Variants in E2F5 observed in about 807,000 individuals in gnomAD.
E2F5 encodes the protein E2F transcription factor 5.
In E2F5, 23 loss-of-function variants were observed where a neutral mutation model predicts 39.1. The ratio of observed to expected loss-of-function variants is 0.59; its 90% CI spans 0.42 to 0.83. The LOEUF (loss-of-function observed/expected upper bound fraction) is 0.83. Among genes scored for constraint, E2F5 ranks in the 40% least tolerant of loss-of-function variants. The pLI, the probability that E2F5 is intolerant of heterozygous loss-of-function variation, is 0.00. For missense variants in E2F5, 365 were observed against 406.7 expected, an observed-to-expected ratio of 0.90 and a Z score of 0.88; for synonymous variants, 145 against 157.8, an observed-to-expected ratio of 0.92 and a Z score of 0.61.
intron 6 of E2F5, 29 bp downstream of exon 6, chr8:85,209,438 T>C (rs1383738303): frequency 3.2e-6 from 5 of 1,557,668 alleles, no homozygotes; most frequent in African/African-American, 1.4e-5. Context: ...TTTTGTAAAT[T>C]AGAGAGGGAG....
At position 85,213,813 on chromosome 8, in the gene E2F5, A is replaced by G; in HGVS notation, c.992A>G (p.Asp331Gly). The G allele has an allele frequency of 2.5e-6, 4 of 1,613,420 alleles. No individual in the cohort carries two copies. The highest frequency in any genetic ancestry group is 3.4e-6 in the Non-Finnish European group (4 of 1,179,590). The change falls in exon 8 of 8, where the codon GAT becomes GGT. Residue 331 changes from aspartate to glycine, a missense_variant. Physicochemically the swap from Asp to Gly is moderately conservative, Grantham distance 94. Coordinates refer to ENST00000416274, the MANE Select transcript of E2F5 (RefSeq NM_001951.4). ...PADDYNFNLD[D>G]NEGVCDLFDV... ...GATGACTACAACTTTAATTTAGATG[A>G]TAACGAAGGAGTTTGTGATCTGTTT...
chr8:85,180,421 TC>T (rs1418300838), intron 1 of E2F5, among the ~76,000 whole-genome samples: 1 of 150,978 alleles, frequency 6.6e-6, no homozygotes, highest in Non-Finnish European at 1.5e-5. Context: ...TCTCTTGTAT[TC>T]TTACTTTGGT....
chr8:85,188,472 T>C (rs1489695036), intron 1 of E2F5, among the ~76,000 whole-genome samples: 1 of 152,328 alleles, frequency 6.6e-6, no homozygotes, highest in South Asian at 2.1e-4. Context: ...TTTGGTATTC[T>C]TGGCTGGCAG....
chr8:85,198,004 C>G (rs911039176), intron 1 of E2F5, among the ~76,000 whole-genome samples: 2 of 152,154 alleles, frequency 1.3e-5, no homozygotes, highest in Non-Finnish European at 2.9e-5. Context: ...ACTTTCTTCT[C>G]TCCTCTCAAC....
At chr8:85,190,451 A>C (rs1236076541) in intron 1 of E2F5, among the ~76,000 whole-genome samples, 1 of 150,296 alleles carries the variant, frequency 6.7e-6, no homozygotes, top group Non-Finnish European at 1.5e-5. Context: ...AGGGGAACTA[A>C]GGTCAAAGTT....
intron 6 of E2F5, among the ~76,000 whole-genome samples, chr8:85,210,688 A>G (rs932988308): frequency 2.6e-5 from 4 of 152,036 alleles, no homozygotes; most frequent in Admixed American, 6.6e-5. Context: ...AAAAAAAAAA[A>G]AAGAAAATGT....
chr8:85,204,360 T>G (rs1240158476), intron 3 of E2F5, among the ~76,000 whole-genome samples: 1 of 152,098 alleles, frequency 6.6e-6, no homozygotes, highest in Non-Finnish European at 1.5e-5. Flanking sequence ...TAGCCACTTC[T>G]TAGAAACAGC....
rs774972329 is a variant in E2F5 at position 85,209,417 on chromosome 8, C to A, written c.883+8C>A. The A allele has an allele frequency of 6.3e-7, 1 of 1,588,236 alleles. No individual in the cohort carries two copies. Among genetic ancestry groups the A allele is most frequent in the Non-Finnish European group, 8.6e-7 (1 of 1,166,834 alleles). The stretch of plus-strand genomic sequence containing the variant: ...CTACAGATATATCTTCAGGTGGGTT[C>A]AGAGCCTTTCTTTTGTAAATTAGAG... On this transcript the variant is annotated splice_region_variant and intron_variant, in intron 6 of 7. Transcript: ENST00000416274.
chr8:85,180,678 T>C (rs1217039973), intron 1 of E2F5, among the ~76,000 whole-genome samples: 15 of 137,260 alleles, frequency 1.1e-4, no homozygotes, highest in Admixed American at 2.2e-4. Context: ...CCCGGGTTCA[T>C]GCCATTCTCC....
At chr8:85,211,643 GTTTTTTTTTTTTT>G (rs950695727) in intron 6 of E2F5, among the ~76,000 whole-genome samples, 10 of 52,196 alleles carry the variant, frequency 1.9e-4, no homozygotes, top group East Asian at 6.0e-4. Flanking sequence ...GTTTGTTGTT[GTTTTTTTTTTTTT>G]TTTTTTTTTT....
At chr8:85,191,024 C>A (rs905939076) in intron 1 of E2F5, among the ~76,000 whole-genome samples, 2 of 152,010 alleles carry the variant, frequency 1.3e-5, no homozygotes, top group Admixed American at 6.6e-5. Context: ...CTAGAAGGAG[C>A]ACAGCCTTAT....
At chr8:85,207,072 T>C (rs1812815005) in intron 4 of E2F5, among the ~76,000 whole-genome samples, 1 of 152,194 alleles carries the variant, frequency 6.6e-6, no homozygotes. Flanking sequence ...TCATACCTAA[T>C]CTCCACTATC....
At chr8:85,184,870 A>G (rs1812295252) in intron 1 of E2F5, among the ~76,000 whole-genome samples, 1 of 152,248 alleles carries the variant, frequency 6.6e-6, no homozygotes, top group Non-Finnish European at 1.5e-5. Flanking sequence ...AGAGGACACA[A>G]ACAAATGGAA....
chr8:85,207,309 A>G, intron 4 of E2F5, 116 bp from the exon 5 acceptor site: 1 of 756,056 alleles, frequency 1.3e-6, no homozygotes, highest in Non-Finnish European at 2.1e-6. Context: ...ATCAAAGCTC[A>G]AGGTCACCTA....
chr8:85,180,835 T>C (rs1812197364), intron 1 of E2F5, among the ~76,000 whole-genome samples: 1 of 151,744 alleles, frequency 6.6e-6, no homozygotes. Context: ...CGCCTCGGCC[T>C]CCCAAAGTGC....
At chr8:85,177,803 G>T (rs1190989742) in intron 1 of E2F5, 149 bp downstream of exon 1, 16 of 1,143,712 alleles carry the variant, frequency 1.4e-5, no homozygotes, top group Non-Finnish European at 1.6e-5. Context: ...TGTGGCCTGC[G>T]CCCGGGTCGT....
chr8:85,206,292 T>A, intron 4 of E2F5, 72 bp downstream of exon 4: 1 of 1,424,728 alleles, frequency 7.0e-7, no homozygotes, highest in Non-Finnish European at 9.8e-7. Context: ...CAGAATTCCC[T>A]GTGTCCTCAT....
intron 1 of E2F5, among the ~76,000 whole-genome samples, chr8:85,180,511 C>CATATATATATATAT (rs58188216): frequency 1.4e-3 from 111 of 80,782 alleles, no homozygotes; most frequent in Admixed American, 1.7e-3. Context: ...AGAAACTATA[C>CATATATATATATAT]ATATATATAT....
chr8:85,203,894 T>G (rs1461085531), intron 3 of E2F5, among the ~76,000 whole-genome samples: 1 of 149,870 alleles, frequency 6.7e-6, no homozygotes, highest in Non-Finnish European at 1.5e-5. Context: ...AAAACACATA[T>G]CCATGTGTTT....
Sources: allele counts gnomAD v4.1 joint callset (sites outside exome capture counted in the v4.1 genomes callset), GRCh38; gene constraint gnomAD v4.1.1; transcripts MANE v1.5; gene names NCBI Gene and HGNC (gene_info 2026-07-23, HGNC 2026-07-21).